PLD1: variants seen among roughly 807,000 people sequenced by gnomAD.
The protein encoded by PLD1 is choline phosphatase 1.
Under a neutral mutation model 137.1 loss-of-function variants are expected in PLD1, and 112 were observed. The observed-to-expected ratio is 0.82, with a 90% CI of 0.70 to 0.96. The LOEUF is 0.96. Ranked by LOEUF, PLD1 falls within the 40% of genes least tolerant of loss-of-function variation. The pLI, the probability that PLD1 is intolerant of heterozygous loss-of-function variation, is 0.00. For missense variants in PLD1, 1,321 were observed against 1,342.0 expected, an observed-to-expected ratio of 0.98 and a Z score of 0.24; for synonymous variants, 431 against 454.7, an observed-to-expected ratio of 0.95 and a Z score of 0.66.
chr3:171,643,462 T>A (rs1172884631), intron 22 of PLD1, among the ~76,000 whole-genome samples: 1 of 152,042 alleles, frequency 6.6e-6, no homozygotes, highest in Non-Finnish European at 1.5e-5. Flanking sequence ...CTATGCTTCA[T>A]CTGCTTGCTC....
intron 26 of PLD1, among the ~76,000 whole-genome samples, 159 bp downstream of exon 26, chr3:171,605,140 A>G (rs986435143): frequency 6.6e-6 from 1 of 152,216 alleles, no homozygotes; most frequent in Non-Finnish European, 1.5e-5. Flanking sequence ...TTTGTTTTTC[A>G]GGGTCCACAA....
intron 8 of PLD1, among the ~76,000 whole-genome samples, chr3:171,723,060 T>G (rs746427188): frequency 6.6e-6 from 1 of 152,218 alleles, no homozygotes; most frequent in Admixed American, 6.5e-5. Context: ...GTATTGACTA[T>G]AGTCACCTGT....
At chr3:171,635,965 C>CTTTTGGTTTTTTTTTTTTTTTTTTT (rs1735078695) in intron 23 of PLD1, among the ~76,000 whole-genome samples, 1 of 49,252 alleles carries the variant, frequency 2.0e-5, no homozygotes, top group Non-Finnish European at 4.4e-5. Flanking sequence ...GGTTCAACTT[C>CTTTTGGTTTTTTTTTTTTTTTTTTT]TTTTTTTTTT....
At chr3:171,628,839 T>A (rs1445095224) in intron 23 of PLD1, among the ~76,000 whole-genome samples, 1 of 152,164 alleles carries the variant, frequency 6.6e-6, no homozygotes, top group Non-Finnish European at 1.5e-5. Flanking sequence ...TCTCAATAAA[T>A]TAGGTATTGA....
chr3:171,770,888 C>CAAAAAAAAAAAAAAAAAAAAAAAAAAA (rs34683994), intron 1 of PLD1, among the ~76,000 whole-genome samples: 3 of 40,880 alleles, frequency 7.3e-5, no homozygotes, highest in African/African-American at 2.4e-4. Flanking sequence ...AACCCTATCT[C>CAAAAAAAAAAAAAAAAAAAAAAAAAAA]AAAAAAAAAA....
chr3:171,676,979 T>C, intron 17 of PLD1, 146 bp from the exon 18 acceptor site: 2 of 598,364 alleles, frequency 3.3e-6, no homozygotes, highest in South Asian at 2.1e-5. Flanking sequence ...AACATTTTTA[T>C]AATCAAGGGA....
chr3:171,674,342 A>G (rs966852006), intron 19 of PLD1, among the ~76,000 whole-genome samples, 158 bp downstream of exon 19: 5 of 152,276 alleles, frequency 3.3e-5, no homozygotes, highest in Non-Finnish European at 7.3e-5. Context: ...TCCATTTAAC[A>G]TAGGAAATAT....
At chr3:171,747,358 C>T (rs527744380) in intron 1 of PLD1, among the ~76,000 whole-genome samples, 1 of 152,116 alleles carries the variant, frequency 6.6e-6, no homozygotes, top group Non-Finnish European at 1.5e-5. Flanking sequence ...ACAAAACAGT[C>T]GATCTGGATG....
intron 1 of PLD1, among the ~76,000 whole-genome samples, chr3:171,778,157 C>T (rs1217384522): frequency 6.6e-6 from 1 of 152,118 alleles, no homozygotes; most frequent in African/African-American, 2.4e-5. Context: ...GACTCAATAT[C>T]TTATTTGACA....
At chr3:171,708,902 T>A (rs1157787367) in intron 10 of PLD1, 64 bp from the exon 11 acceptor site, 1 of 1,041,602 alleles carries the variant, frequency 9.6e-7, no homozygotes, top group Non-Finnish European at 1.5e-6. Flanking sequence ...ACTTATCTTA[T>A]GGTAAAGCAA....
intron 1 of PLD1, among the ~76,000 whole-genome samples, chr3:171,797,294 A>G (rs752423597): frequency 4.6e-5 from 7 of 152,114 alleles, no homozygotes; most frequent in Non-Finnish European, 8.8e-5. Flanking sequence ...CCTGTTTCCC[A>G]TTGCATGTTA....
rs773030190 is a variant in PLD1, at chr3:171,764,851, GAA to G, written c.-31-26771_-31-26770del. On this transcript the variant is annotated intron_variant, in intron 1 of 26. Transcript: ENST00000351298. ...AGAAAGAAAGAAAGAAAGAAAGAAA[GAA>G]AGAAAGAAAGAAAGAAAGAAAGAAA... Among the ~76,000 whole-genome samples, 6 of 19,230 alleles carry G rather than the reference GAA, an allele frequency of 3.1e-4. 1 individual carries two copies. The highest frequency in any genetic ancestry group is 1.8e-3 in the Admixed American group (3 of 1,672). 12.6% of individuals were successfully genotyped at this position (19,230 alleles called of 152,430 possible).
chr3:171,644,819 G>A lies in PLD1; in HGVS notation c.2543+91C>T, dbSNP rs9858838. 3.1e-3 allele frequency: 2,505 copies of A among 795,492 alleles called. 22 individuals carry two copies. The highest frequency in any genetic ancestry group is 0.02 in the African/African-American group (1,208 of 59,468). The allele number at this position is 795,492 out of a possible 1,614,324, so 49.3% of individuals were successfully genotyped here. A position where few individuals can be genotyped will look rare whatever the true frequency, so the allele number is the denominator to read the frequency against. On this transcript the variant is annotated intron_variant, in intron 22 of 26. Coordinates refer to ENST00000351298, the MANE Select transcript of PLD1 (RefSeq NM_002662.5). ...GTGTTCATTTGTTCCCCACTCCACCGAATGGATGTGGAGAAACACTGCCAT... is the reference window on the plus strand; with the variant it reads ...GTGTTCATTTGTTCCCCACTCCACCAAATGGATGTGGAGAAACACTGCCAT...
chr3:171,628,883 T>C lies in PLD1; in HGVS notation c.2594-8363A>G, dbSNP rs567075489. The stretch of plus-strand genomic sequence containing the variant: ...ATCTCAAAATAAAAAGAGCTATCTA[T>C]GACAAACCCACAGCCAATATCATAC... On this transcript the variant is annotated intron_variant, in intron 23 of 26. Coordinates refer to ENST00000351298, the MANE Select transcript of PLD1 (RefSeq NM_002662.5). Among the ~76,000 whole-genome samples the C allele has an allele frequency of 4.3e-3, 653 of 152,048 alleles. 7 individuals are homozygous for C. Among genetic ancestry groups the C allele is most frequent in the Admixed American group, 6.6e-3 (101 of 15,278 alleles).
At chr3:171,673,963 C>T (rs1271874603) in intron 19 of PLD1, among the ~76,000 whole-genome samples, 1 of 150,746 alleles carries the variant, frequency 6.6e-6, no homozygotes, top group Non-Finnish European at 1.5e-5. Context: ...TGATAACTAG[C>T]TGGCCGGCCC....
intron 21 of PLD1, among the ~76,000 whole-genome samples, chr3:171,651,282 G>T (rs1315149537): frequency 2.0e-5 from 3 of 152,078 alleles, no homozygotes; most frequent in African/African-American, 7.3e-5. Context: ...TTGCAGCAGT[G>T]AATACTGTCA....
chr3:171,790,406 G>A (rs1474831322), intron 1 of PLD1, among the ~76,000 whole-genome samples: 1 of 152,198 alleles, frequency 6.6e-6, no homozygotes, highest in Non-Finnish European at 1.5e-5. Flanking sequence ...TTACTGTTGT[G>A]AGGACACAGA....
intron 23 of PLD1, among the ~76,000 whole-genome samples, chr3:171,637,328 C>T (rs1283363736): frequency 2.6e-5 from 4 of 152,234 alleles, no homozygotes; most frequent in East Asian, 1.9e-4. Flanking sequence ...CTCAGCCTCC[C>T]GGGTTCAAGC....
intron 23 of PLD1, among the ~76,000 whole-genome samples, chr3:171,628,763 C>T (rs1325701768): frequency 1.3e-5 from 2 of 151,996 alleles, no homozygotes; most frequent in Non-Finnish European, 1.5e-5. Context: ...ACAAAAACCA[C>T]GTGATTATCT....
Sources: allele counts gnomAD v4.1 joint callset (sites outside exome capture counted in the v4.1 genomes callset), GRCh38; gene constraint gnomAD v4.1.1; transcripts MANE v1.5; gene names NCBI Gene and HGNC (gene_info 2026-07-23, HGNC 2026-07-21).